Variants in F13A1 observed in about 807,000 individuals in gnomAD.
F13A1 encodes the protein FSF, A subunit.
Under a neutral mutation model 80.1 loss-of-function variants are expected in F13A1, and 47 were observed. The observed-to-expected ratio is 0.59, with a 90% CI of 0.46 to 0.75. The LOEUF is 0.75. F13A1 is among the 30% of genes least tolerant of loss of function. The probability of loss-of-function intolerance (pLI) is 0.00; values close to 1 mark genes in which losing one functional copy is unlikely to be tolerated. For missense variants in F13A1, 817 were observed against 930.4 expected (o/e 0.88, Z 1.59); for synonymous variants, 349 against 344.9 (o/e 1.01, Z -0.13).
chr6:6,297,223 C>T (rs917689070), intron 3 of F13A1, among the ~76,000 whole-genome samples: 24 of 151,904 alleles, frequency 1.6e-4, no homozygotes, highest in African/African-American at 5.6e-4. Context: ...TTGGTTGTGT[C>T]TCTGCCCGGC....
intron 9 of F13A1, among the ~76,000 whole-genome samples, chr6:6,196,683 A>G (rs1270532279): frequency 7.2e-5 from 11 of 152,186 alleles, no homozygotes; most frequent in Non-Finnish European, 1.6e-4. Flanking sequence ...TTATGATGTG[A>G]TTTTATAAAA....
At chr6:6,193,390 G>A (rs1473916908) in intron 10 of F13A1, among the ~76,000 whole-genome samples, 1 of 152,126 alleles carries the variant, frequency 6.6e-6, no homozygotes, top group Non-Finnish European at 1.5e-5. Flanking sequence ...CAGCAAGGAC[G>A]AGGGAGAGCA....
intron 4 of F13A1, among the ~76,000 whole-genome samples, chr6:6,266,072 T>C (rs1472474712): frequency 3.3e-5 from 5 of 152,224 alleles, no homozygotes; most frequent in African/African-American, 4.8e-5. Context: ...TATAGCAGCA[T>C]TGACTTCACA....
At chr6:6,279,242 C>T (rs1758029039) in intron 3 of F13A1, among the ~76,000 whole-genome samples, 1 of 152,108 alleles carries the variant, frequency 6.6e-6, no homozygotes, top group Admixed American at 6.5e-5. Context: ...CCAGCCCTTC[C>T]TTGGCATGAG....
intron 3 of F13A1, 58 bp downstream of exon 3, chr6:6,305,293 A>G (rs767041007): frequency 1.3e-6 from 2 of 1,586,140 alleles, no homozygotes; most frequent in South Asian, 2.2e-5. Flanking sequence ...GCCTGTACCC[A>G]CCTCTCTCTA....
At chr6:6,157,670 T>C (rs1193257561) in intron 13 of F13A1, among the ~76,000 whole-genome samples, 8 of 152,248 alleles carry the variant, frequency 5.3e-5, no homozygotes, top group Non-Finnish European at 5.9e-5. Context: ...CCTTGATATA[T>C]ATTACTTGAT....
rs558371412 is a variant in F13A1, at chr6:6,155,557, G to A, written c.1909-3608C>T. The stretch of plus-strand genomic sequence containing the variant: ...TTTTCTGACACTTGTCTCCTGCACC[G>A]AGAATGTAAACTTCCTGTCCCTGAC... On this transcript the variant is annotated intron_variant, in intron 13 of 14. Transcript: ENST00000264870. Among the ~76,000 whole-genome samples the A allele has an allele frequency of 1.6e-3, 240 of 152,008 alleles. 1 individual carries two copies. Among genetic ancestry groups the A allele is most frequent in the African/African-American group, 5.4e-3 (223 of 41,476 alleles).
Position 6,168,799 on chromosome 6 carries a change from A to G in F13A1, c.1748-1181T>C, listed in dbSNP as rs146247873. Among the ~76,000 whole-genome samples, 1,321 of 152,318 alleles carry G rather than the reference A, an allele frequency of 8.7e-3. 16 individuals are homozygous for G. Among genetic ancestry groups the G allele is most frequent in the African/African-American group, 0.028 (1,159 of 41,566 alleles). ...GGGTGCCTGTGGATGGGCATGCACCAGAGCAGAGGGCAGGGCCCCTGACTC... is the reference window on the plus strand; with the variant it reads ...GGGTGCCTGTGGATGGGCATGCACCGGAGCAGAGGGCAGGGCCCCTGACTC... On this transcript the variant is annotated intron_variant, in intron 12 of 14. Coordinates refer to ENST00000264870, the MANE Select transcript of F13A1 (RefSeq NM_000129.4).
At chr6:6,254,883 G>A (rs1014346357) in intron 4 of F13A1, among the ~76,000 whole-genome samples, 1 of 152,056 alleles carries the variant, frequency 6.6e-6, no homozygotes, top group Non-Finnish European at 1.5e-5. Context: ...TCTATAATGA[G>A]ACTTTTCCAT....
At chr6:6,237,432 G>T (rs1757427562) in intron 6 of F13A1, among the ~76,000 whole-genome samples, 1 of 152,008 alleles carries the variant, frequency 6.6e-6, no homozygotes, top group African/African-American at 2.4e-5. Context: ...TCACATACTT[G>T]GTCGAAAGGA....
At chr6:6,258,006 A>G (rs948995393) in intron 4 of F13A1, among the ~76,000 whole-genome samples, 4 of 151,830 alleles carry the variant, frequency 2.6e-5, no homozygotes, top group African/African-American at 9.7e-5. Context: ...TATCAACCTG[A>G]ATTTATTTAT....
chr6:6,245,237 C>T (rs970843794), intron 6 of F13A1, among the ~76,000 whole-genome samples: 1 of 152,110 alleles, frequency 6.6e-6, no homozygotes, highest in South Asian at 2.1e-4. Context: ...GGGGATTGTG[C>T]ACTTAAAATC....
rs78118333 is a variant in F13A1 at position 6,279,168 on chromosome 6, A to G, written c.320-12359T>C. 1.3e-3 allele frequency among the ~76,000 whole-genome samples: 192 copies of G among 152,328 alleles called. 1 individual carries two copies. The highest frequency in any genetic ancestry group is 4.6e-3 in the African/African-American group (190 of 41,578). The stretch of plus-strand genomic sequence containing the variant: ...GGGAAACTTGCTCAGGGGACATGGT[A>G]TAAAAAATGTGGCCACCAGAAGCAC... On this transcript the variant is annotated intron_variant, in intron 3 of 14. Coordinates refer to ENST00000264870, the MANE Select transcript of F13A1 (RefSeq NM_000129.4).
chr6:6,164,294 C>T (rs1183523686), intron 13 of F13A1, among the ~76,000 whole-genome samples: 5 of 151,988 alleles, frequency 3.3e-5, no homozygotes, highest in East Asian at 1.9e-4. Context: ...GGAGAACTTA[C>T]GAACACACAG....
At chr6:6,151,677 G>T in intron 14 of F13A1, 136 bp downstream of exon 14, 1 of 1,226,510 alleles carries the variant, frequency 8.2e-7, no homozygotes, top group Non-Finnish European at 1.2e-6. Flanking sequence ...ACGCCCTACA[G>T]AAATGGTCGG....
chr6:6,293,190 C>G (rs1758248760), intron 3 of F13A1, among the ~76,000 whole-genome samples: 1 of 152,084 alleles, frequency 6.6e-6, no homozygotes, highest in African/African-American at 2.4e-5. Context: ...GCTCATGGAC[C>G]CTACTGTCAC....
At chr6:6,260,581 T>A (rs750195435) in intron 4 of F13A1, among the ~76,000 whole-genome samples, 2 of 152,214 alleles carry the variant, frequency 1.3e-5, no homozygotes, top group African/African-American at 2.4e-5. Flanking sequence ...ACAGTGTATG[T>A]GCTTGTGTGT....
intron 3 of F13A1, among the ~76,000 whole-genome samples, chr6:6,303,279 GATT>G (rs1758462004): frequency 6.6e-6 from 1 of 152,064 alleles, no homozygotes; most frequent in African/African-American, 2.4e-5. Context: ...TGAACTTTAA[GATT>G]ATTTTATACA....
chr6:6,175,722 A>C (rs1440533132), intron 11 of F13A1, among the ~76,000 whole-genome samples: 2 of 152,170 alleles, frequency 1.3e-5, no homozygotes, highest in Admixed American at 1.3e-4. Flanking sequence ...CAGTTTTTTG[A>C]GGGACATCTG....
Sources: allele counts gnomAD v4.1 joint callset (sites outside exome capture counted in the v4.1 genomes callset), GRCh38; gene constraint gnomAD v4.1.1; transcripts MANE v1.5; gene names NCBI Gene and HGNC (gene_info 2026-07-23, HGNC 2026-07-21).